The following DSCAML1 variants were observed in gnomAD, a reference collection of about 807,000 sequenced individuals.
The protein encoded by DSCAML1 is cell adhesion molecule DSCAML1.
Under a neutral mutation model 200.5 loss-of-function variants are expected in DSCAML1, and 38 were observed. That is an observed-to-expected ratio of 0.19 (90% CI 0.15 to 0.25). The LOEUF (loss-of-function observed/expected upper bound fraction) is 0.25, where lower values mean the gene tolerates loss of function less well. Among genes scored for constraint, DSCAML1 ranks in the 10% least tolerant of loss-of-function variants. The pLI, the probability that DSCAML1 is intolerant of heterozygous loss-of-function variation, is 1.00. For missense variants in DSCAML1, 2,223 were observed against 2,858.8 expected (o/e 0.78, Z 5.07); for synonymous variants, 1,215 against 1,165.0 (o/e 1.04, Z -0.87).
intron 14 of DSCAML1, among the ~76,000 whole-genome samples, chr11:117,477,522 C>T (rs1195209459): frequency 6.6e-6 from 1 of 152,016 alleles, no homozygotes; most frequent in African/African-American, 2.4e-5. Flanking sequence ...AAAATTGGCA[C>T]TCAGTACATG....
intron 8 of DSCAML1, among the ~76,000 whole-genome samples, chr11:117,506,696 C>T (rs954585769): frequency 1.1e-4 from 17 of 150,456 alleles, no homozygotes; most frequent in African/African-American, 2.9e-4. Context: ...TGCAGGTATA[C>T]ACCACTGTGC....
intron 3 of DSCAML1, among the ~76,000 whole-genome samples, chr11:117,754,878 TCTC>T (rs1207057457): frequency 2.0e-5 from 3 of 152,158 alleles, no homozygotes; most frequent in Non-Finnish European, 4.4e-5. Flanking sequence ...CCCACAGTTT[TCTC>T]CTAACTCCAT....
chr11:117,545,450 T>C (rs1003655558), intron 3 of DSCAML1, among the ~76,000 whole-genome samples: 1 of 152,184 alleles, frequency 6.6e-6, no homozygotes, highest in African/African-American at 2.4e-5. Context: ...TATTGTGTTA[T>C]GGCAGCCAGA....
At chr11:117,624,719 C>T (rs191870963) in intron 3 of DSCAML1, among the ~76,000 whole-genome samples, 1 of 152,302 alleles carries the variant, frequency 6.6e-6, no homozygotes, top group Admixed American at 6.5e-5. Context: ...TCCTTCCTCA[C>T]TCCCACGGAG....
intron 3 of DSCAML1, among the ~76,000 whole-genome samples, chr11:117,566,844 T>G (rs1472880567): frequency 1.3e-5 from 2 of 151,712 alleles, no homozygotes; most frequent in Non-Finnish European, 2.9e-5. Context: ...TTTTTTGTTC[T>G]TGCGATAGTT....
At chr11:117,500,483 T>C (rs2049374386) in intron 11 of DSCAML1, among the ~76,000 whole-genome samples, 2 of 152,366 alleles carry the variant, frequency 1.3e-5, no homozygotes, top group South Asian at 2.1e-4. Context: ...TGTAAGTGCA[T>C]GGTCTCCTTT....
At chr11:117,674,138 T>C (rs7942751) in intron 3 of DSCAML1, among the ~76,000 whole-genome samples, 22,211 of 152,230 alleles carry the variant, frequency 0.15, 1,875 homozygotes, top group African/African-American at 0.23. Context: ...GGTACTAGTT[T>C]AGATCCTCTC....
intron 5 of DSCAML1, among the ~76,000 whole-genome samples, chr11:117,521,937 C>G (rs1173781444): frequency 1.3e-5 from 2 of 152,166 alleles, no homozygotes; most frequent in Non-Finnish European, 2.9e-5. Context: ...CTCCCTGCCT[C>G]CCCCCAGCTG....
chr11:117,511,184 G>GAAA (rs1336350148), intron 8 of DSCAML1, among the ~76,000 whole-genome samples: 2 of 152,164 alleles, frequency 1.3e-5, no homozygotes, highest in Non-Finnish European at 2.9e-5. Context: ...AGGGAGGAGG[G>GAAA]AACATGGGCA....
intron 15 of DSCAML1, among the ~76,000 whole-genome samples, chr11:117,470,690 A>G (rs919738587): frequency 2.0e-5 from 3 of 152,230 alleles, no homozygotes; most frequent in African/African-American, 7.2e-5. Flanking sequence ...GAATGCTTAT[A>G]GCAGTATTTT....
chr11:117,704,322 TTTC>T (rs1206918125), intron 3 of DSCAML1, among the ~76,000 whole-genome samples: 1 of 152,184 alleles, frequency 6.6e-6, no homozygotes, highest in Non-Finnish European at 1.5e-5. Flanking sequence ...TCTGTTCTTT[TTTC>T]TTCCTTCTAC....
intron 8 of DSCAML1, among the ~76,000 whole-genome samples, chr11:117,506,272 T>G (rs2049495441): frequency 1.3e-5 from 2 of 152,300 alleles, no homozygotes; most frequent in South Asian, 4.1e-4. Context: ...TGTCATTGAG[T>G]GTCAGGACAG....
chr11:117,797,374 G>A (rs1008870245), upstream of DSCAML1: 13 of 995,814 alleles, frequency 1.3e-5, no homozygotes, highest in Non-Finnish European at 1.6e-5. Context: ...CCAGGAACAG[G>A]AGCGGCGGCC....
chr11:117,606,845 C>T (rs2051576734), intron 3 of DSCAML1, among the ~76,000 whole-genome samples: 1 of 152,244 alleles, frequency 6.6e-6, no homozygotes, highest in African/African-American at 2.4e-5. Context: ...AATTCCTTGG[C>T]TTTCTGTGGA....
rs1893971 is a variant in DSCAML1, at chr11:117,599,109, T to G, written c.512-66587A>C. Among the ~76,000 whole-genome samples, 1,132 of 137,924 alleles carry G rather than the reference T, an allele frequency of 8.2e-3. 11 individuals are homozygous for G. The highest frequency in any genetic ancestry group is 0.014 in the Non-Finnish European group (870 of 63,308). The allele number at this position is 137,924 out of a possible 152,430, so 90.5% of individuals were successfully genotyped here. A position where few individuals can be genotyped will look rare whatever the true frequency, so the allele number is the denominator to read the frequency against. ...TGAAACATTCCGTTGCAGCTTGGGT[T>G]AAATTTCAGGGCAGTAGCCGCAAAA... On this transcript the variant is annotated intron_variant, in intron 3 of 32. Coordinates refer to ENST00000651296, the MANE Select transcript of DSCAML1 (RefSeq NM_020693.4).
intron 3 of DSCAML1, among the ~76,000 whole-genome samples, chr11:117,693,453 T>C (rs770615870): frequency 2.6e-5 from 4 of 152,216 alleles, no homozygotes; most frequent in South Asian, 2.1e-4. Flanking sequence ...TCCAAAGCTT[T>C]ATAAATGACT....
chr11:117,785,924 C>A (rs528930696), intron 1 of DSCAML1, among the ~76,000 whole-genome samples: 1 of 152,142 alleles, frequency 6.6e-6, no homozygotes, highest in Non-Finnish European at 1.5e-5. Flanking sequence ...GAGATGGAGT[C>A]AAAATTCAAC....
intron 3 of DSCAML1, among the ~76,000 whole-genome samples, chr11:117,602,387 G>T (rs2051482504): frequency 1.3e-5 from 2 of 152,130 alleles, no homozygotes; most frequent in South Asian, 2.1e-4. Context: ...TAGAGACTGG[G>T]TCTCACTGTG....
At chr11:117,601,074 C>A (rs1349537672) in intron 3 of DSCAML1, among the ~76,000 whole-genome samples, 1 of 152,176 alleles carries the variant, frequency 6.6e-6, no homozygotes, top group African/African-American at 2.4e-5. Context: ...TGCCGTACAC[C>A]CACAGAGCAG....
Sources: allele counts gnomAD v4.1 joint callset (sites outside exome capture counted in the v4.1 genomes callset), GRCh38; gene constraint gnomAD v4.1.1; transcripts MANE v1.5; gene names NCBI Gene and HGNC (gene_info 2026-07-23, HGNC 2026-07-21).